ARID2: variants seen among roughly 807,000 people sequenced by gnomAD.
The protein encoded by ARID2 is AT-rich interactive domain-containing protein 2.
A neutral mutation model predicts 184.6 loss-of-function variants in ARID2; 32 were observed. That is an observed-to-expected ratio of 0.17 (90% CI 0.13 to 0.23). The LOEUF is 0.23. Ranked by LOEUF, ARID2 falls within the 10% of genes least tolerant of loss-of-function variation. The pLI is 1.00. For missense variants in ARID2, 1,696 were observed against 2,197.6 expected, an observed-to-expected ratio of 0.77 and a Z score of 4.56; for synonymous variants, 836 against 772.6, an observed-to-expected ratio of 1.08 and a Z score of -1.36.
At chr12:45,805,071 T>C (rs1049830611) in intron 3 of ARID2, among the ~76,000 whole-genome samples, 1 of 152,150 alleles carries the variant, frequency 6.6e-6, no homozygotes, top group Admixed American at 6.5e-5. Context: ...TATTTTTATC[T>C]ATGCTTTCCT....
intron 16 of ARID2, chr12:45,874,296 C>G (rs1943973540): frequency 6.3e-6 from 1 of 159,396 alleles, no homozygotes; most frequent in African/African-American, 2.4e-5. Flanking sequence ...AGCCACTGCA[C>G]TCCAACCTGG....
At chr12:45,764,526 T>TC (rs1185921760) in intron 3 of ARID2, among the ~76,000 whole-genome samples, 2 of 152,246 alleles carry the variant, frequency 1.3e-5, no homozygotes, top group African/African-American at 4.8e-5. Flanking sequence ...AGTCCAGCTC[T>TC]CCATCTTCAG....
intron 3 of ARID2, among the ~76,000 whole-genome samples, chr12:45,758,901 C>G (rs910903362): frequency 2.0e-5 from 3 of 152,258 alleles, no homozygotes; most frequent in African/African-American, 7.2e-5. Context: ...TGAGATTTCA[C>G]AGACCATTAA....
chr12:45,839,529 G>A, intron 11 of ARID2, 33 bp downstream of exon 11: 1 of 1,582,272 alleles, frequency 6.3e-7, no homozygotes, highest in Non-Finnish European at 8.6e-7. Flanking sequence ...TTTCAGTGTG[G>A]TTACGAGTGT....
chr12:45,764,495 A>G (rs1190631428), intron 3 of ARID2, among the ~76,000 whole-genome samples: 1 of 152,174 alleles, frequency 6.6e-6, no homozygotes, highest in East Asian at 1.9e-4. Context: ...TACCCCTCAC[A>G]TTCTTCTGTC....
At chr12:45,875,782 T>G (rs577926448) in intron 16 of ARID2, among the ~76,000 whole-genome samples, 1 of 152,244 alleles carries the variant, frequency 6.6e-6, no homozygotes, top group Non-Finnish European at 1.5e-5. Context: ...CTTCTGCAGC[T>G]TCTCTACCTC....
In ARID2 at chr12:45,850,991, T is replaced by C. The variant is rs1943538349; in HGVS notation, c.2868T>C (p.Ala956=). Residue 956 remains alanine, a synonymous_variant, in exon 15 of 21, where the codon GCT becomes GCC. Transcript: ENST00000334344. ...IVLANPAALP[A]GQTVQLTGQP... is the part of the protein sequence containing the mutation. The stretch of plus-strand genomic sequence containing the variant: ...TTGCTAATCCAGCAGCTCTTCCAGC[T>C]GGTCAGACAGTTCAGCTAACTGGAC... 1 of 1,614,076 alleles carries C rather than the reference T, an allele frequency of 6.2e-7. No homozygotes were observed. The highest frequency in any genetic ancestry group is 8.5e-7 in the Non-Finnish European group (1 of 1,180,026).
At position 45,830,912 on chromosome 12, in the gene ARID2, G is replaced by A. The variant is rs184074729; in HGVS notation, c.706-5677G>A. ...CTCTACTAAAAATACAAAAAAATTA[G>A]CTGGGCATTTTGGCGGGCACCTGCA... On this transcript the variant is annotated intron_variant, in intron 6 of 20. Coordinates refer to ENST00000334344, the MANE Select transcript of ARID2 (RefSeq NM_152641.4). 3.1e-4 allele frequency among the ~76,000 whole-genome samples: 47 copies of A among 152,126 alleles called. No individual in the cohort carries two copies. In the East Asian group the frequency reaches 7.5e-3, roughly 24 times the overall value.
Position 45,821,463 on chromosome 12 carries a change from G to T in ARID2, c.681G>T (p.Glu227Asp). Residue 227 changes from glutamate (E) to aspartate (D), a missense_variant, in exon 6 of 21, where the codon GAG becomes GAT. Physicochemically the swap from Glu to Asp is conservative, Grantham distance 45. This residue lies in a region of ARID2 where 148 missense variants were observed against 285.4 expected (regional missense o/e 0.52). Coordinates refer to ENST00000334344, the MANE Select transcript of ARID2 (RefSeq NM_152641.4). ...CTGTATTTGGAGAAGAATGGAAAGA[G>T]AAGACTGATAGAGACTTCGTTAAGG... Reference protein sequence around the residue: ...FSTVFGEEWKEKTDRDFVKFW... With the variant: ...FSTVFGEEWKDKTDRDFVKFW... 1 of 1,518,892 alleles carries T rather than the reference G, an allele frequency of 6.6e-7. No individual in the cohort carries two copies. The highest frequency in any genetic ancestry group is 1.4e-5 in the South Asian group (1 of 72,126). The allele number at this position is 1,518,892 out of a possible 1,614,324, so 94.1% of individuals were successfully genotyped here. A position where few individuals can be genotyped will look rare whatever the true frequency, so the allele number is the denominator to read the frequency against.
At chr12:45,895,744 A>G (rs1326566820) in intron 20 of ARID2, among the ~76,000 whole-genome samples, 6 of 152,146 alleles carry the variant, frequency 3.9e-5, no homozygotes, top group African/African-American at 1.4e-4. Context: ...CATGTTGGCC[A>G]GTTTGGTCTT....
In ARID2 at chr12:45,852,666, G is replaced by C. The variant is rs1943577550; in HGVS notation, c.4543G>C (p.Val1515Leu). ...AAATGGCACAGCAGAATGCAAAACT[G>C]TAAAGAGGCCAGCAGAGGATACTGA... ...STNGTAECKT[V>L]KRPAEDTDRE... The change falls in exon 15 of 21, where the codon GTA becomes CTA. Residue 1515 changes from valine (V) to leucine (L), a missense_variant. Val to Leu is a conservative substitution (Grantham distance 32, BLOSUM62 1). Around this residue, in one of 11 missense-constraint regions of ARID2, gnomAD observed 428 missense variants for 409.1 expected, o/e 1.05. Transcript: ENST00000334344. 3.7e-6 allele frequency: 6 copies of C among 1,614,068 alleles called. No homozygotes were observed. Among genetic ancestry groups the C allele is most frequent in the Non-Finnish European group, 5.1e-6 (6 of 1,180,020 alleles).
chr12:45,738,211 T>C (rs1262220767), intron 3 of ARID2, among the ~76,000 whole-genome samples: 1 of 152,238 alleles, frequency 6.6e-6, no homozygotes, highest in Non-Finnish European at 1.5e-5. Context: ...AGAGTTAACA[T>C]GTATAAATTC....
At chr12:45,898,396 A>C (rs1382952340) in intron 20 of ARID2, among the ~76,000 whole-genome samples, 1 of 152,216 alleles carries the variant, frequency 6.6e-6, no homozygotes, top group Non-Finnish European at 1.5e-5. Flanking sequence ...ACTTAATGCC[A>C]CTGAACTGTA....
At chr12:45,868,368 G>A (rs986535388) in intron 16 of ARID2, among the ~76,000 whole-genome samples, 1 of 152,182 alleles carries the variant, frequency 6.6e-6, no homozygotes, top group Non-Finnish European at 1.5e-5. Context: ...TTGAACCCAG[G>A]AGGCAGAGGT....
chr12:45,808,036 C>A (rs918385458), intron 3 of ARID2, among the ~76,000 whole-genome samples: 7 of 152,120 alleles, frequency 4.6e-5, no homozygotes, highest in Non-Finnish European at 1.0e-4. Context: ...AGGCAGATTA[C>A]TATAGGAGCT....
rs1292382354 is a variant in ARID2, at chr12:45,882,554, A to G, written c.4923-9226A>G. Among the ~76,000 whole-genome samples the G allele has an allele frequency of 2.0e-5, 3 of 152,282 alleles. No homozygotes were observed. The East Asian group carries it at 5.8e-4, about 29-fold the overall frequency. On this transcript the variant is annotated intron_variant, in intron 16 of 20. Coordinates refer to ENST00000334344, the MANE Select transcript of ARID2 (RefSeq NM_152641.4). The stretch of plus-strand genomic sequence containing the variant: ...AGTATCTAAAGACGAGCTGAATGTT[A>G]CACATAAAACTGCCATCTTGATAAT...
chr12:45,904,340 A>G (rs1470897453), intron 20 of ARID2: 5 of 716,010 alleles, frequency 7.0e-6, no homozygotes, highest in African/African-American at 1.8e-5. Context: ...TAAATTTTCT[A>G]GAAACATGAA....
At chr12:45,760,548 G>A (rs1236943101) in intron 3 of ARID2, among the ~76,000 whole-genome samples, 1 of 151,610 alleles carries the variant, frequency 6.6e-6, no homozygotes, top group Non-Finnish European at 1.5e-5. Flanking sequence ...TTGTGTTTTT[G>A]CACACAGATT....
intron 3 of ARID2, among the ~76,000 whole-genome samples, chr12:45,795,784 A>C (rs1445026955): frequency 6.7e-6 from 1 of 150,360 alleles, no homozygotes; most frequent in African/African-American, 2.4e-5. Context: ...TCTCTTCTTT[A>C]TTTTCTTTTC....
Sources: allele counts gnomAD v4.1 joint callset (sites outside exome capture counted in the v4.1 genomes callset), GRCh38; gene constraint gnomAD v4.1.1; regional missense constraint gnomAD v4.1.1; transcripts MANE v1.5; gene names NCBI Gene and HGNC (gene_info 2026-07-23, HGNC 2026-07-21).